The following CYTH4 variants were observed in gnomAD, a reference collection of about 807,000 sequenced individuals.
CYTH4 encodes the protein cytohesin 4, also known as cytohesin-4.
In CYTH4, 22 loss-of-function variants were observed where a neutral mutation model predicts 57.5. The observed-to-expected ratio is 0.38, with a 90% CI of 0.27 to 0.55. The LOEUF is 0.55. Among genes scored for constraint, CYTH4 ranks in the 20% least tolerant of loss-of-function variants. The pLI, the probability that CYTH4 is intolerant of heterozygous loss-of-function variation, is 0.74. For synonymous variants in CYTH4, 186 were observed against 206.5 expected (o/e 0.90, Z 0.85); for missense variants, 420 against 535.6 (o/e 0.78, Z 2.13).
rs962115528 is a variant in CYTH4, at chr22:37,311,319, C to T, written c.886-137C>T. ...GTCTTCACATGCTGCTTCTAACTTC[C>T]GTCCCCCTATGACTGGACAGTCTCG... On this transcript the variant is annotated intron_variant, in intron 10 of 12. Coordinates refer to ENST00000248901, the MANE Select transcript of CYTH4 (RefSeq NM_013385.5). This position sits in a 1 kb window ranked among gnomAD's most constrained non-coding sequence, Gnocchi z 4.4. 2.1e-5 allele frequency: 17 copies of T among 820,136 alleles called. No homozygotes were observed. The highest frequency in any genetic ancestry group is 9.5e-5 in the Admixed American group (4 of 42,048). The allele number at this position is 820,136 out of a possible 1,614,324, so 50.8% of individuals were successfully genotyped here.
chr22:37,299,051 G>A (rs572659739), intron 5 of CYTH4, among the ~76,000 whole-genome samples, 175 bp from the exon 6 acceptor site: 1 of 152,148 alleles, frequency 6.6e-6, no homozygotes, highest in Admixed American at 6.5e-5. Context: ...GAGGACAAGG[G>A]TGTGCCCTCA....
At position 37,298,722 on chromosome 22, in the gene CYTH4, G is replaced by C. The variant is rs1453604437; in HGVS notation, c.354-504G>C. Among the ~76,000 whole-genome samples the C allele has an allele frequency of 1.3e-5, 2 of 152,166 alleles. No individual in the cohort carries two copies. The highest frequency in any genetic ancestry group is 4.8e-5 in the African/African-American group (2 of 41,418). On this transcript the variant is annotated intron_variant, in intron 5 of 12. Coordinates refer to ENST00000248901, the MANE Select transcript of CYTH4 (RefSeq NM_013385.5). This position sits in a 1 kb window ranked among gnomAD's most constrained non-coding sequence, Gnocchi z 4.1. ...AGTGGATAGGGGTGAAGCTGGACCA[G>C]AGAGTCAACAGCCCTCTCCCCAGCT...
In CYTH4 at chr22:37,299,340, A is replaced by G. The variant is rs1331727863; in HGVS notation, c.434+34A>G. Reference sequence around the variant, plus strand: ...TCCTGGGGCAGGGTCCCGGCCCTCAAGGGTGGCACAGCCCCAGTGGCTGGG... The same window carrying G: ...TCCTGGGGCAGGGTCCCGGCCCTCAGGGGTGGCACAGCCCCAGTGGCTGGG... On this transcript the variant is annotated intron_variant, in intron 6 of 12. Transcript: ENST00000248901. The G allele has an allele frequency of 2.5e-6, 4 of 1,586,062 alleles. No homozygotes were observed. In the Admixed American group the frequency reaches 6.7e-5, roughly 27 times the overall value.
At chr22:37,310,532 C>A (rs933440539) in intron 9 of CYTH4, among the ~76,000 whole-genome samples, 5 of 152,226 alleles carry the variant, frequency 3.3e-5, no homozygotes, top group African/African-American at 1.2e-4. Flanking sequence ...ACTGTTTCCT[C>A]ATCTGTAAAA....
intron 9 of CYTH4, chr22:37,309,991 C>T: frequency 2.1e-6 from 1 of 469,522 alleles, no homozygotes; most frequent in Non-Finnish European, 4.4e-6. Context: ...GGAAGCCTCT[C>T]CAGCAGGGAC....
intron 1 of CYTH4, among the ~76,000 whole-genome samples, chr22:37,287,375 G>A (rs1384371512): frequency 6.6e-6 from 1 of 152,168 alleles, no homozygotes; most frequent in Non-Finnish European, 1.5e-5. Context: ...TCTCAGACAA[G>A]CAGCCAGTCT....
At chr22:37,284,838 G>A (rs1409961810) in intron 1 of CYTH4, among the ~76,000 whole-genome samples, 1 of 152,234 alleles carries the variant, frequency 6.6e-6, no homozygotes, top group Non-Finnish European at 1.5e-5. Flanking sequence ...CTGCCGGGAA[G>A]GTGAGAGGGC....
At chr22:37,291,465 G>T (rs532493285) in intron 1 of CYTH4, among the ~76,000 whole-genome samples, 1 of 152,206 alleles carries the variant, frequency 6.6e-6, no homozygotes, top group Non-Finnish European at 1.5e-5. Context: ...GGCACTTCCC[G>T]ACGCTGGAAC....
chr22:37,290,853 T>C (rs987673177), intron 1 of CYTH4, among the ~76,000 whole-genome samples: 7 of 152,206 alleles, frequency 4.6e-5, no homozygotes, highest in Non-Finnish European at 1.0e-4. Context: ...TCAGGGGAAC[T>C]CCTGGGCGTG....
intron 5 of CYTH4, among the ~76,000 whole-genome samples, chr22:37,299,005 C>T (rs542063465): frequency 3.3e-5 from 5 of 152,222 alleles, no homozygotes; most frequent in East Asian, 3.9e-4. Context: ...GCCAGACCAG[C>T]GCTGGTGAGC....
chr22:37,300,303 C>T lies in CYTH4; in HGVS notation c.435-604C>T, dbSNP rs1454085443. On this transcript the variant is annotated intron_variant, in intron 6 of 12. Transcript: ENST00000248901. ...GACTTGGGAGTCTCCCATATTCATT[C>T]TTTCATTCATTCATTCACATATTCA... The T allele has an allele frequency of 9.9e-6, 7 of 707,864 alleles. No individual in the cohort carries two copies. In the African/African-American group the frequency reaches 1.1e-4, roughly 11 times the overall value. The allele number at this position is 707,864 out of a possible 1,614,324, so 43.8% of individuals were successfully genotyped here. A position where few individuals can be genotyped will look rare whatever the true frequency, so the allele number is the denominator to read the frequency against.
chr22:37,305,112 A>G (rs1929346784), intron 8 of CYTH4, among the ~76,000 whole-genome samples: 1 of 152,130 alleles, frequency 6.6e-6, no homozygotes, highest in South Asian at 2.1e-4. Flanking sequence ...CTGGCAGGGA[A>G]TGAGTTAATT....
In CYTH4 at chr22:37,311,250, CA is replaced by C. The variant is rs1298217429; in HGVS notation, c.885+187del. 1.3e-5 allele frequency among the ~76,000 whole-genome samples: 2 copies of C among 152,250 alleles called. No homozygotes were observed. Among genetic ancestry groups the C allele is most frequent in the Non-Finnish European group, 2.9e-5 (2 of 68,046 alleles). On this transcript the variant is annotated intron_variant, in intron 10 of 12. Transcript: ENST00000248901. This position sits in a 1 kb window ranked among gnomAD's most constrained non-coding sequence, Gnocchi z 4.4. The stretch of plus-strand genomic sequence containing the variant: ...AGGAGGGCCGGGCCAAGGTCCTAGG[CA>C]GAGCCCAGGCTTAAAGCTGGGCCTC...
chr22:37,309,089 G>A, intron 8 of CYTH4, 123 bp from the exon 9 acceptor site: 1 of 734,742 alleles, frequency 1.4e-6, no homozygotes, highest in South Asian at 1.8e-5. Context: ...ACGATAAACA[G>A]GTGAGGAAAG....
chr22:37,301,219 G>A lies in CYTH4; in HGVS notation c.547+200G>A, dbSNP rs188104951. Among the ~76,000 whole-genome samples, 12 of 152,334 alleles carry A rather than the reference G, an allele frequency of 7.9e-5. No individual in the cohort carries two copies. In the East Asian group the frequency reaches 1.5e-3, roughly 20 times the overall value. On this transcript the variant is annotated intron_variant, in intron 7 of 12. Transcript: ENST00000248901. ...CTGCCTTGAGACACAGTTCTTAGGA[G>A]AGCAGTCAGGAGACGATGGCACAGG...
chr22:37,287,984 A>C (rs1199281660), intron 1 of CYTH4, among the ~76,000 whole-genome samples: 2 of 152,170 alleles, frequency 1.3e-5, no homozygotes, highest in African/African-American at 4.8e-5. Context: ...AGACAGAAAG[A>C]AACTCCAGAG....
intron 1 of CYTH4, among the ~76,000 whole-genome samples, chr22:37,287,783 C>T (rs776842702): frequency 1.3e-5 from 2 of 152,206 alleles, no homozygotes; most frequent in African/African-American, 2.4e-5. Flanking sequence ...CGAGTCACTT[C>T]GCCTTCCTAA....
chr22:37,311,726 G>C lies in CYTH4; in HGVS notation c.957+199G>C. The C allele has an allele frequency of 1.5e-6, 1 of 667,072 alleles. No individual in the cohort carries two copies. Among genetic ancestry groups the C allele is most frequent in the Non-Finnish European group, 2.5e-6 (1 of 393,130 alleles). 41.3% of individuals were successfully genotyped at this position (667,072 alleles called of 1,614,324 possible). On this transcript the variant is annotated intron_variant, in intron 11 of 12. Coordinates refer to ENST00000248901, the MANE Select transcript of CYTH4 (RefSeq NM_013385.5). This position sits in a 1 kb window ranked among gnomAD's most constrained non-coding sequence, Gnocchi z 4.4. Reference sequence around the variant, plus strand: ...AAGGTCAATGTGGGTCCAAGGACGTGGTTGTCCCCTGTTGTCCCACACAGC... The same window carrying C: ...AAGGTCAATGTGGGTCCAAGGACGTCGTTGTCCCCTGTTGTCCCACACAGC...
chr22:37,314,340 G>A lies in CYTH4; in HGVS notation c.*829G>A, dbSNP rs939127716. On this transcript the variant is annotated 3_prime_UTR_variant, in exon 13 of 13. Transcript: ENST00000248901. ...CTCCACCTTCCAGGATGTCCATTTC[G>A]GGGAGAGGAGCAGGTGGGACCCTCA... 15 of 398,758 alleles carry A rather than the reference G, an allele frequency of 3.8e-5. No homozygotes were observed. The South Asian group carries it at 5.1e-4, about 14-fold the overall frequency. 24.7% of individuals were successfully genotyped at this position (398,758 alleles called of 1,614,324 possible). A position where few individuals can be genotyped will look rare whatever the true frequency, so the allele number is the denominator to read the frequency against.
Sources: allele counts gnomAD v4.1 joint callset (sites outside exome capture counted in the v4.1 genomes callset), GRCh38; gene constraint gnomAD v4.1.1; non-coding constraint Gnocchi (gnomAD v3.1); transcripts MANE v1.5; gene names NCBI Gene and HGNC (gene_info 2026-07-23, HGNC 2026-07-21).